The following NRXN3 variants were observed in gnomAD, a reference collection of about 807,000 sequenced individuals.
NRXN3 encodes neurexin III.
NRXN3 carries 32 observed loss-of-function variants against 137.6 expected under a neutral mutation model. That is an observed-to-expected ratio of 0.23 (90% CI 0.18 to 0.31). The LOEUF (loss-of-function observed/expected upper bound fraction) is 0.31. Ranked by LOEUF, NRXN3 falls within the 10% of genes least tolerant of loss-of-function variation. The pLI is 1.00. For missense variants in NRXN3, 1,574 were observed against 2,062.5 expected (o/e 0.76, Z 4.59); for synonymous variants, 798 against 784.5 (o/e 1.02, Z -0.29).
At chr14:79,075,738 A>C (rs947056877) in intron 15 of NRXN3, among the ~76,000 whole-genome samples, 2 of 152,214 alleles carry the variant, frequency 1.3e-5, no homozygotes, top group Non-Finnish European at 1.5e-5. Flanking sequence ...ACTTCCAAGC[A>C]GGACGAGGCC....
intron 19 of NRXN3, among the ~76,000 whole-genome samples, chr14:79,699,707 A>G (rs1363639693): frequency 2.0e-5 from 3 of 152,060 alleles, no homozygotes; most frequent in Non-Finnish European, 2.9e-5. Flanking sequence ...TATAGAACCT[A>G]TGGCCATTTT....
At chr14:79,231,837 G>A (rs1336901069) in intron 15 of NRXN3, among the ~76,000 whole-genome samples, 1 of 152,078 alleles carries the variant, frequency 6.6e-6, no homozygotes, top group Non-Finnish European at 1.5e-5. Flanking sequence ...TCCATTTGGG[G>A]CAATTAAAAT....
chr14:79,663,798 T>A lies in NRXN3; in HGVS notation c.3465T>A (p.Val1155=), dbSNP rs1476342435. The A allele has an allele frequency of 2.5e-6, 4 of 1,612,850 alleles. No homozygotes were observed. In the African/African-American group the frequency reaches 5.3e-5, roughly 22 times the overall value. Residue 1155 remains valine, a synonymous_variant, in exon 17 of 21, where the codon GTT becomes GTA. Transcript: ENST00000335750. ...QLHIEQGKIG[V]VFNIGTVDIS... Reference sequence around the variant, plus strand: ...TATAGGAACAGGGGAAAATTGGAGTTGTCTTCAACATTGGCACAGTTGACA... The same window carrying A: ...TATAGGAACAGGGGAAAATTGGAGTAGTCTTCAACATTGGCACAGTTGACA...
intron 19 of NRXN3, among the ~76,000 whole-genome samples, chr14:79,791,476 A>G (rs973843988): frequency 6.8e-6 from 1 of 146,890 alleles, no homozygotes; most frequent in African/African-American, 2.5e-5. Context: ...ATAATTATAT[A>G]TTGTAATAAT....
chr14:78,459,457 G>T (rs967155752), intron 4 of NRXN3, among the ~76,000 whole-genome samples: 2 of 152,152 alleles, frequency 1.3e-5, no homozygotes. Context: ...CTCTCGTCCT[G>T]CTCCAACCCA....
intron 15 of NRXN3, among the ~76,000 whole-genome samples, chr14:79,170,066 T>C (rs2061636047): frequency 6.6e-6 from 1 of 152,134 alleles, no homozygotes; most frequent in South Asian, 2.1e-4. Flanking sequence ...ATTACTTCTA[T>C]TACACATTTT....
intron 14 of NRXN3, among the ~76,000 whole-genome samples, chr14:78,984,237 A>T (rs2099497205): frequency 6.6e-6 from 1 of 152,226 alleles, no homozygotes; most frequent in African/African-American, 2.4e-5. Flanking sequence ...TACCACAAAA[A>T]AGTGCTAAGT....
intron 15 of NRXN3, among the ~76,000 whole-genome samples, chr14:79,087,922 G>A (rs2048424524): frequency 6.6e-6 from 1 of 152,160 alleles, no homozygotes; most frequent in Admixed American, 6.5e-5. Flanking sequence ...TTAATCGCCT[G>A]CTTGTTTGGG....
intron 19 of NRXN3, among the ~76,000 whole-genome samples, chr14:79,788,017 A>C (rs2099134413): frequency 6.6e-6 from 1 of 152,152 alleles, no homozygotes; most frequent in African/African-American, 2.4e-5. Flanking sequence ...GAGACTGGCT[A>C]ATTTATAAAG....
intron 10 of NRXN3, among the ~76,000 whole-genome samples, chr14:78,875,195 T>C (rs542261170): frequency 2.2e-4 from 33 of 152,306 alleles, no homozygotes; most frequent in Non-Finnish European, 3.7e-4. Context: ...TTTAAAAGGT[T>C]CTAGAACTGG....
chr14:79,773,780 A>T (rs2099087518), intron 19 of NRXN3, among the ~76,000 whole-genome samples: 1 of 151,224 alleles, frequency 6.6e-6, no homozygotes. Context: ...GAGTATAATA[A>T]TGATAAATAA....
intron 6 of NRXN3, among the ~76,000 whole-genome samples, chr14:78,670,447 C>T (rs2097923748): frequency 6.6e-6 from 1 of 152,196 alleles, no homozygotes; most frequent in Non-Finnish European, 1.5e-5. Flanking sequence ...CCTCCTTTCT[C>T]ATCCTGTGAC....
intron 15 of NRXN3, chr14:79,248,584 C>A (rs2075523097): frequency 6.6e-6 from 1 of 152,110 alleles, no homozygotes; most frequent in African/African-American, 2.4e-5. Flanking sequence ...CACACTGAGC[C>A]ATAACTGCAT....
intron 17 of NRXN3, among the ~76,000 whole-genome samples, chr14:79,678,672 A>G (rs2098653585): frequency 6.6e-6 from 1 of 152,192 alleles, no homozygotes; most frequent in Non-Finnish European, 1.5e-5. Context: ...AGAAGACTGC[A>G]GGCTTTCTTC....
intron 4 of NRXN3, among the ~76,000 whole-genome samples, chr14:78,603,402 C>T (rs1253418956): frequency 6.6e-6 from 1 of 152,188 alleles, no homozygotes; most frequent in Non-Finnish European, 1.5e-5. Context: ...CAGCCAACTG[C>T]CTTGTCCTCT....
chr14:78,672,185 A>G (rs1446709598), intron 6 of NRXN3, among the ~76,000 whole-genome samples: 2 of 152,234 alleles, frequency 1.3e-5, no homozygotes, highest in Non-Finnish European at 2.9e-5. Context: ...GGAGAGACCA[A>G]CATGAACTAG....
chr14:79,750,382 A>G (rs1010309192), intron 19 of NRXN3, among the ~76,000 whole-genome samples: 2 of 152,242 alleles, frequency 1.3e-5, no homozygotes, highest in South Asian at 2.1e-4. Flanking sequence ...ATGTCCTTAT[A>G]TTTGCATTCT....
intron 15 of NRXN3, among the ~76,000 whole-genome samples, chr14:79,377,551 C>G (rs887493907): frequency 6.6e-6 from 1 of 151,976 alleles, no homozygotes; most frequent in African/African-American, 2.4e-5. Context: ...GTCAGGAGTT[C>G]AAGACCAGCC....
intron 15 of NRXN3, among the ~76,000 whole-genome samples, chr14:79,204,187 G>A (rs535206404): frequency 5.3e-5 from 8 of 151,972 alleles, no homozygotes; most frequent in Non-Finnish European, 8.8e-5. Flanking sequence ...AAGAGCTCCC[G>A]TCAGGTGCTG....
Sources: allele counts gnomAD v4.1 joint callset (sites outside exome capture counted in the v4.1 genomes callset), GRCh38; gene constraint gnomAD v4.1.1; transcripts MANE v1.5; gene names NCBI Gene and HGNC (gene_info 2026-07-23, HGNC 2026-07-21).